RBFOX1: variants seen among roughly 807,000 people sequenced by gnomAD.
RBFOX1 encodes the protein RNA binding fox-1 homolog 1, also known as RNA binding protein fox-1 homolog 1.
In RBFOX1, 8 loss-of-function variants were observed where a neutral mutation model predicts 57.7. That is an observed-to-expected ratio of 0.14 (90% CI 0.08 to 0.25). The LOEUF (loss-of-function observed/expected upper bound fraction) is 0.25, where lower values mean the gene tolerates loss of function less well. Ranked by LOEUF, RBFOX1 falls within the 10% of genes least tolerant of loss-of-function variation. The pLI, the probability that RBFOX1 is intolerant of heterozygous loss-of-function variation, is 1.00. For synonymous variants in RBFOX1, 326 were observed against 222.4 expected (o/e 1.47, Z -4.15); for missense variants, 611 against 548.5 (o/e 1.11, Z -1.14).
At chr16:6,471,879 C>T (rs937443317) in intron 2 of RBFOX1, among the ~76,000 whole-genome samples, 1 of 152,118 alleles carries the variant, frequency 6.6e-6, no homozygotes, top group South Asian at 2.1e-4. Context: ...ATCAGAAGCA[C>T]ATAGGGAAAG....
intron 7 of RBFOX1, among the ~76,000 whole-genome samples, chr16:7,593,146 G>A (rs150083566): frequency 2.0e-5 from 3 of 152,212 alleles, no homozygotes; most frequent in South Asian, 2.1e-4. Context: ...TCGATCACAC[G>A]TAGTGAAATG....
chr16:7,457,084 T>A (rs1206906500), intron 4 of RBFOX1, among the ~76,000 whole-genome samples: 1 of 151,834 alleles, frequency 6.6e-6, no homozygotes, highest in Non-Finnish European at 1.5e-5. Flanking sequence ...ACGGGGTTTC[T>A]CCGTGTTGGT....
intron 4 of RBFOX1, among the ~76,000 whole-genome samples, chr16:7,403,047 G>C (rs577354918): frequency 1.1e-3 from 169 of 152,296 alleles, no homozygotes; most frequent in African/African-American, 3.7e-3. Flanking sequence ...AATGAGGCTT[G>C]ATTTCTCCTG....
intron 3 of RBFOX1, among the ~76,000 whole-genome samples, chr16:5,675,066 T>C (rs2050124553): frequency 6.6e-6 from 1 of 152,108 alleles, no homozygotes; most frequent in Non-Finnish European, 1.5e-5. Flanking sequence ...GAGGATTGCT[T>C]GAGCCCAAGA....
chr16:7,641,149 G>C (rs897189189), intron 11 of RBFOX1, among the ~76,000 whole-genome samples: 1 of 152,162 alleles, frequency 6.6e-6, no homozygotes, highest in Non-Finnish European at 1.5e-5. Context: ...TAATTCAAGA[G>C]CTGGAGCAAT....
chr16:7,355,323 T>G (rs552857291), intron 4 of RBFOX1, among the ~76,000 whole-genome samples: 1 of 152,316 alleles, frequency 6.6e-6, no homozygotes, highest in African/African-American at 2.4e-5. Context: ...TCACGTTTTA[T>G]CATGACCGTA....
At chr16:7,326,413 G>A (rs1266182036) in intron 4 of RBFOX1, among the ~76,000 whole-genome samples, 2 of 152,150 alleles carry the variant, frequency 1.3e-5, no homozygotes, top group African/African-American at 4.8e-5. Flanking sequence ...TTACTGGGGG[G>A]ATAATAGAAT....
chr16:5,605,816 G>T (rs961891709), intron 3 of RBFOX1, among the ~76,000 whole-genome samples: 1 of 152,046 alleles, frequency 6.6e-6, no homozygotes, highest in Non-Finnish European at 1.5e-5. Context: ...TAGGCGAGAA[G>T]AATGGTACTC....
At chr16:7,555,683 C>G (rs552714889) in intron 5 of RBFOX1, among the ~76,000 whole-genome samples, 1 of 152,112 alleles carries the variant, frequency 6.6e-6, no homozygotes, top group Non-Finnish European at 1.5e-5. Context: ...ACTTTCTCAC[C>G]GCAGGACCTT....
At chr16:6,678,758 C>T (rs866650884) in intron 3 of RBFOX1, among the ~76,000 whole-genome samples, 2 of 152,010 alleles carry the variant, frequency 1.3e-5, no homozygotes, top group Admixed American at 6.6e-5. Flanking sequence ...TGCTAAGATA[C>T]CACTGACTTG....
chr16:5,737,447 C>G (rs1479168086), intron 3 of RBFOX1, among the ~76,000 whole-genome samples: 2 of 151,750 alleles, frequency 1.3e-5, no homozygotes, highest in Non-Finnish European at 2.9e-5. Context: ...GATCATGCTG[C>G]TACACTGCAG....
At chr16:5,313,554 A>G (rs1173724340) in intron 1 of RBFOX1, among the ~76,000 whole-genome samples, 1 of 152,132 alleles carries the variant, frequency 6.6e-6, no homozygotes, top group Non-Finnish European at 1.5e-5. Flanking sequence ...GAGACTGGGA[A>G]GAGAAAGAGG....
rs780016366 is a variant in RBFOX1 at position 6,143,780 on chromosome 16, T to C, written c.-127+123788T>C. 3.9e-5 allele frequency among the ~76,000 whole-genome samples: 6 copies of C among 151,958 alleles called. No individual in the cohort carries two copies. The East Asian group carries it at 1.2e-3, about 29-fold the overall frequency. ...CTACCTGTGCACCTGATACTTTTGC[T>C]TTTCACTTGTGTGTTTGTTGGTTTT... On this transcript the variant is annotated intron_variant, in intron 1 of 15. Transcript: ENST00000550418.
intron 1 of RBFOX1, among the ~76,000 whole-genome samples, chr16:6,279,615 A>G (rs151163425): frequency 1.1e-3 from 160 of 152,318 alleles, no homozygotes; most frequent in African/African-American, 3.2e-3. Context: ...GAACACTGAG[A>G]CTGTCCATAT....
chr16:6,128,382 G>A (rs1480438095), intron 1 of RBFOX1, among the ~76,000 whole-genome samples: 1 of 152,132 alleles, frequency 6.6e-6, no homozygotes, highest in African/African-American at 2.4e-5. Context: ...TACCAGGTTG[G>A]TCCTCAGACT....
At chr16:6,801,746 C>T (rs1233734667) in intron 3 of RBFOX1, among the ~76,000 whole-genome samples, 2 of 151,952 alleles carry the variant, frequency 1.3e-5, no homozygotes, top group African/African-American at 2.4e-5. Flanking sequence ...TTTCTGTAAC[C>T]AGTTACAGGG....
intron 4 of RBFOX1, among the ~76,000 whole-genome samples, chr16:7,131,871 C>T (rs933668171): frequency 1.3e-5 from 2 of 151,984 alleles, no homozygotes; most frequent in Non-Finnish European, 2.9e-5. Context: ...CAGAGGGGCA[C>T]ATCTTAGCTT....
intron 3 of RBFOX1, among the ~76,000 whole-genome samples, chr16:6,820,369 A>G (rs557317815): frequency 6.6e-6 from 1 of 152,294 alleles, no homozygotes; most frequent in African/African-American, 2.4e-5. Flanking sequence ...TTGTTCAGGT[A>G]ACTGTGATAG....
intron 1 of RBFOX1, among the ~76,000 whole-genome samples, chr16:5,340,674 C>T (rs998859218): frequency 6.6e-6 from 1 of 152,192 alleles, no homozygotes. Context: ...GGCATATAGA[C>T]ATGGAGCAGC....
Sources: gnomAD v4.1 joint callset for allele counts (sites outside exome capture counted in the v4.1 genomes callset) on GRCh38, gnomAD v4.1.1 for gene constraint, MANE v1.5 for transcripts, NCBI Gene and HGNC (gene_info 2026-07-23, HGNC 2026-07-21) for gene names.